Variants in ADAD1 observed in about 807,000 individuals in gnomAD.
ADAD1 encodes adenosine deaminase domain-containing protein 1.
A neutral mutation model predicts 66.8 loss-of-function variants in ADAD1; 46 were observed. The observed-to-expected ratio is 0.69, with a 90% CI of 0.54 to 0.88. The LOEUF is 0.88. Ranked by LOEUF, ADAD1 falls within the 40% of genes least tolerant of loss-of-function variation. The probability of loss-of-function intolerance (pLI) is 0.00; values close to 1 mark genes in which losing one functional copy is unlikely to be tolerated. For missense variants in ADAD1, 617 were observed against 681.8 expected, an observed-to-expected ratio of 0.91 and a Z score of 1.06; for synonymous variants, 248 against 229.4, an observed-to-expected ratio of 1.08 and a Z score of -0.73.
chr4:122,386,975 C>A (rs904045848), intron 5 of ADAD1, among the ~76,000 whole-genome samples: 3 of 152,170 alleles, frequency 2.0e-5, no homozygotes, highest in Non-Finnish European at 4.4e-5. Flanking sequence ...AGCATGATGC[C>A]TCCAGCTTTG....
intron 12 of ADAD1, among the ~76,000 whole-genome samples, chr4:122,425,707 G>A (rs1445847967): frequency 6.6e-6 from 1 of 151,588 alleles, no homozygotes; most frequent in Non-Finnish European, 1.5e-5. Context: ...ATAATCTAGG[G>A]ATGATTTAAA....
chr4:122,401,604 C>T (rs2150564399), intron 7 of ADAD1, among the ~76,000 whole-genome samples: 1 of 152,066 alleles, frequency 6.6e-6, no homozygotes, highest in Admixed American at 6.5e-5. Context: ...ATTAAAGTCC[C>T]CGACTATTAT....
intron 12 of ADAD1, among the ~76,000 whole-genome samples, chr4:122,425,397 A>G (rs1223090937): frequency 3.9e-5 from 6 of 152,086 alleles, no homozygotes; most frequent in Admixed American, 6.5e-5. Context: ...AGAAATTGCT[A>G]TATATTTGGA....
intron 7 of ADAD1, among the ~76,000 whole-genome samples, chr4:122,399,327 CATT>C (rs1459916089): frequency 2.6e-5 from 4 of 151,858 alleles, no homozygotes; most frequent in Non-Finnish European, 4.4e-5. Flanking sequence ...TATTCTGTTC[CATT>C]ATTCTGCGTG....
chr4:122,398,099 A>G (rs763158907), intron 7 of ADAD1, among the ~76,000 whole-genome samples: 12 of 152,104 alleles, frequency 7.9e-5, no homozygotes, highest in Non-Finnish European at 1.5e-4. Context: ...TGACACAAGC[A>G]GTCTATGCTG....
chr4:122,401,169 G>A (rs983911490), intron 7 of ADAD1, among the ~76,000 whole-genome samples: 1 of 152,104 alleles, frequency 6.6e-6, no homozygotes, highest in Admixed American at 6.5e-5. Context: ...CACCCCTTTT[G>A]CTGTATCCCA....
intron 5 of ADAD1, among the ~76,000 whole-genome samples, chr4:122,385,731 C>A (rs372582737): frequency 3.3e-5 from 5 of 152,078 alleles, no homozygotes; most frequent in African/African-American, 1.2e-4. Context: ...GTGTGTTGTT[C>A]CCCTCTCTGT....
chr4:122,386,166 A>G (rs1795162185), intron 5 of ADAD1, among the ~76,000 whole-genome samples: 1 of 152,176 alleles, frequency 6.6e-6, no homozygotes, highest in Admixed American at 6.5e-5. Context: ...CCAATAGTAT[A>G]AAAGCATTCC....
At position 122,396,363 on chromosome 4, in the gene ADAD1, T is replaced by C; in HGVS notation, c.710T>C (p.Phe237Ser). The change falls in exon 7 of 13, where the codon TTT (phenylalanine) becomes TCT (serine). Residue 237 changes from phenylalanine (F) to serine (S), a missense_variant. Transcript: ENST00000296513. ...YLKYSSSLAA[F>S]IIERAGQHEV... ...AAATATAGCAGTTCATTGGCTGCTT[T>C]TATAATTGAAAGAGGTAAGTCCACA... 6.3e-7 allele frequency: 1 copy of C among 1,582,290 alleles called. No individual in the cohort carries two copies. The highest frequency in any genetic ancestry group is 8.6e-7 in the Non-Finnish European group (1 of 1,167,614).
At chr4:122,405,275 C>T (rs1796156404) in intron 7 of ADAD1, among the ~76,000 whole-genome samples, 2 of 152,136 alleles carry the variant, frequency 1.3e-5, no homozygotes, top group East Asian at 3.8e-4. Context: ...AATTTCCATC[C>T]TAAAAATAAA....
rs141547969 is a variant in ADAD1 at position 122,410,844 on chromosome 4, A to G, written c.849-378A>G. 1.2e-4 allele frequency among the ~76,000 whole-genome samples: 19 copies of G among 152,270 alleles called. No homozygotes were observed. In the South Asian group the frequency reaches 1.4e-3, roughly 12 times the overall value. ...AGTTTGTTTGGGTAGGTAAGGGGAA[A>G]TAGAAGTAAGGCAGAAAGTTGGCAG... On this transcript the variant is annotated intron_variant, in intron 8 of 12. Coordinates refer to ENST00000296513, the MANE Select transcript of ADAD1 (RefSeq NM_139243.4).
chr4:122,392,713 GA>G (rs1035743143), intron 5 of ADAD1, among the ~76,000 whole-genome samples: 18 of 152,082 alleles, frequency 1.2e-4, no homozygotes, highest in African/African-American at 4.3e-4. Flanking sequence ...GAAAGTTTTT[GA>G]AAAAAGTTTA....
At chr4:122,379,512 TC>T (rs1794768962) in intron 2 of ADAD1, 67 bp downstream of exon 2, 1 of 152,412 alleles carries the variant, frequency 6.6e-6, no homozygotes, top group Admixed American at 6.5e-5. Context: ...ACGCGAGGCC[TC>T]TTTTGAAAGA....
chr4:122,407,169 T>C lies in ADAD1; in HGVS notation c.725-739T>C, dbSNP rs576512039. On this transcript the variant is annotated intron_variant, in intron 7 of 12. Coordinates refer to ENST00000296513, the MANE Select transcript of ADAD1 (RefSeq NM_139243.4). Reference sequence around the variant, plus strand: ...CGGTTGTGAATGTAGAACTGAACTTTGTTTGAAAAACGAAAACTCAAGATT... The same window carrying C: ...CGGTTGTGAATGTAGAACTGAACTTCGTTTGAAAAACGAAAACTCAAGATT... Among the ~76,000 whole-genome samples, 3 of 152,288 alleles carry C rather than the reference T, an allele frequency of 2.0e-5. No homozygotes were observed. The East Asian group carries it at 5.8e-4, about 29-fold the overall frequency.
chr4:122,380,026 T>C (rs1794807212), intron 2 of ADAD1, 36 bp from the exon 3 acceptor site: 1 of 1,568,646 alleles, frequency 6.4e-7, no homozygotes, highest in African/African-American at 1.4e-5. Context: ...CATAGCGTTT[T>C]GTCTTGTTTT....
chr4:122,421,394 A>G lies in ADAD1; in HGVS notation c.1617+4A>G, dbSNP rs781383971. The stretch of plus-strand genomic sequence containing the variant: ...TGGTACATATCATGCAGCTAAGGTA[A>G]GTCCTTAAAGGAATAAAGTTATCAT... On this transcript the variant is annotated splice_donor_region_variant and intron_variant, in intron 12 of 12. Coordinates refer to ENST00000296513, the MANE Select transcript of ADAD1 (RefSeq NM_139243.4). The G allele has an allele frequency of 5.1e-6, 8 of 1,571,364 alleles. No homozygotes were observed. The highest frequency in any genetic ancestry group is 6.9e-6 in the Non-Finnish European group (8 of 1,153,584).
At chr4:122,412,144 CAGT>C (rs1422579907) in intron 9 of ADAD1, among the ~76,000 whole-genome samples, 22 of 152,164 alleles carry the variant, frequency 1.4e-4, no homozygotes. Context: ...AAATTAAGGT[CAGT>C]GTTCTCTAGA....
At chr4:122,402,212 ATTTG>A (rs765674789) in intron 7 of ADAD1, among the ~76,000 whole-genome samples, 2 of 152,130 alleles carry the variant, frequency 1.3e-5, no homozygotes, top group Admixed American at 6.5e-5. Flanking sequence ...TTCTCTTAGC[ATTTG>A]TTTGTCTGAA....
chr4:122,392,749 G>T (rs1795508876), intron 5 of ADAD1, among the ~76,000 whole-genome samples: 1 of 152,088 alleles, frequency 6.6e-6, no homozygotes, highest in Admixed American at 6.5e-5. Context: ...TTACTATATG[G>T]TATATGGGGG....
Sources: gnomAD v4.1 joint callset for allele counts (sites outside exome capture counted in the v4.1 genomes callset) on GRCh38, gnomAD v4.1.1 for gene constraint, MANE v1.5 for transcripts, NCBI Gene and HGNC (gene_info 2026-07-23, HGNC 2026-07-21) for gene names.